The following PIH1D2 variants were observed in gnomAD, a reference collection of about 807,000 sequenced individuals.
The protein encoded by PIH1D2 is PIH1 domain containing 2.
Under a neutral mutation model 31.2 loss-of-function variants are expected in PIH1D2, and 25 were observed. The ratio of observed to expected loss-of-function variants is 0.80; its 90% CI spans 0.58 to 1.12. PIH1D2 has a LOEUF of 1.12. Among genes scored for constraint, PIH1D2 ranks in the 50% most tolerant of loss-of-function variants. The probability of loss-of-function intolerance (pLI) is 0.00; values close to 1 mark genes in which losing one functional copy is unlikely to be tolerated. For missense variants in PIH1D2, 310 were observed against 356.6 expected, an observed-to-expected ratio of 0.87 and a Z score of 1.05; for synonymous variants, 116 against 119.9, an observed-to-expected ratio of 0.97 and a Z score of 0.21.
rs1566657162 is a variant in PIH1D2 at position 112,071,155 on chromosome 11, G to A, written c.430C>T (p.Leu144Phe). 1 of 1,613,874 alleles carries A rather than the reference G, an allele frequency of 6.2e-7. No individual in the cohort carries two copies. The highest frequency in any genetic ancestry group is 8.5e-7 in the Non-Finnish European group (1 of 1,179,912). ...TTGGTAATATGGTAAGAGTGTGAGA[G>A]GGTGAACTGGAATTTCTCCTCAATG... ...KCIEEKFQFT[L>F]SHSYHITKFR... The change falls in exon 4 of 6, where the codon CTC becomes TTC. Residue 144 changes from leucine to phenylalanine, a missense_variant. Transcript: ENST00000280350.
At position 112,068,998 on chromosome 11, in the gene PIH1D2, G is replaced by GTT. The variant is rs1250203455; in HGVS notation, c.814-995_814-994dup. On this transcript the variant is annotated intron_variant, in intron 5 of 5. Coordinates refer to ENST00000280350, the MANE Select transcript of PIH1D2 (RefSeq NM_138789.4). ...ATTTTTTTTGTTTTTTTTTTTTTTTGTTTTTTTTTTTTTGAGGGGAGACAG... is the reference window on the plus strand; with the variant it reads ...ATTTTTTTTGTTTTTTTTTTTTTTTGTTTTTTTTTTTTTTTGAGGGGAGACAG... 9.3e-3 allele frequency among the ~76,000 whole-genome samples: 738 copies of GTT among 79,178 alleles called. 3 individuals are homozygous for GTT. The highest frequency in any genetic ancestry group is 0.063 in the Middle Eastern group (9 of 142). 51.9% of individuals were successfully genotyped at this position (79,178 alleles called of 152,430 possible).
the PIH1D2 span, among the ~76,000 whole-genome samples, chr11:112,054,491 A>G: frequency 6.6e-6 from 1 of 152,162 alleles, no homozygotes; most frequent in African/African-American, 2.4e-5. Context: ...GCTTTAGGGA[A>G]GGCTAGTTTT....
chr11:112,069,519 T>A (rs1365832077), intron 5 of PIH1D2, among the ~76,000 whole-genome samples: 1 of 152,018 alleles, frequency 6.6e-6, no homozygotes, highest in Non-Finnish European at 1.5e-5. Flanking sequence ...CAAGATTCCA[T>A]GAGCAGGAAC....
At chr11:112,058,966 T>C (rs1363633060), downstream of PIH1D2, among the ~76,000 whole-genome samples, 1 of 151,914 alleles carries the variant, frequency 6.6e-6, no homozygotes, top group African/African-American at 2.4e-5. Flanking sequence ...GTTAAAAAGG[T>C]ATTCTGAGAT....
chr11:112,064,082 AG>A, downstream of PIH1D2: 1 of 1,139,970 alleles, frequency 8.8e-7, no homozygotes, highest in Non-Finnish European at 1.2e-6. Context: ...TTCAGTAATT[AG>A]TAATTTTAGG....
the PIH1D2 span, among the ~76,000 whole-genome samples, chr11:112,056,865 T>G: frequency 6.6e-6 from 1 of 152,230 alleles, no homozygotes; most frequent in East Asian, 1.9e-4. Flanking sequence ...GTGAGAACCA[T>G]CTACTTGTGA....
At chr11:112,063,532 A>C (rs1353730479), downstream of PIH1D2, 7 of 152,606 alleles carry the variant, frequency 4.6e-5, no homozygotes, top group African/African-American at 1.7e-4. Context: ...TACATTGGTA[A>C]ACATTTTGGA....
At chr11:112,073,285 T>G in intron 1 of PIH1D2, 80 bp from the exon 2 acceptor site, 1 of 1,017,328 alleles carries the variant, frequency 9.8e-7, no homozygotes, top group South Asian at 1.9e-5. Context: ...GTGGAATGGG[T>G]CAGGAATTGT....
chr11:112,059,626 C>T (rs1414804494), downstream of PIH1D2, among the ~76,000 whole-genome samples: 1 of 152,168 alleles, frequency 6.6e-6, no homozygotes. Flanking sequence ...CTACTGACTT[C>T]AAGTGATCCG....
At chr11:112,070,154 A>C in intron 5 of PIH1D2, 1 of 574,930 alleles carries the variant, frequency 1.7e-6, no homozygotes, top group East Asian at 2.8e-5. Context: ...CTGATGTAGA[A>C]CTGGCCTTGT....
chr11:112,066,969 G>A (rs1023120776), downstream of PIH1D2, among the ~76,000 whole-genome samples: 1 of 151,880 alleles, frequency 6.6e-6, no homozygotes, highest in African/African-American at 2.4e-5. Flanking sequence ...AGGATGAGAC[G>A]GGAGGATCGC....
At chr11:112,059,864 A>T, downstream of PIH1D2, 1 of 1,509,672 alleles carries the variant, frequency 6.6e-7, no homozygotes, top group Non-Finnish European at 8.9e-7. Flanking sequence ...GGCTCTTAAT[A>T]AACAGTTTTT....
chr11:112,061,168 A>T, downstream of PIH1D2: 4 of 1,613,922 alleles, frequency 2.5e-6, no homozygotes, highest in Non-Finnish European at 3.4e-6. Flanking sequence ...GCAGATAATG[A>T]AAAAGGGTAA....
At chr11:112,061,243 C>T (rs1231188396), downstream of PIH1D2, 3 of 1,573,898 alleles carry the variant, frequency 1.9e-6, no homozygotes, top group African/African-American at 1.4e-5. Context: ...CCTGTGGTAT[C>T]CTCAGGGGAT....
chr11:112,072,962 C>A, intron 2 of PIH1D2, 36 bp downstream of exon 2: 1 of 1,539,428 alleles, frequency 6.5e-7, no homozygotes. Flanking sequence ...TCATTTCATT[C>A]AAGACCTCCC....
chr11:112,070,304 A>C, intron 5 of PIH1D2, 132 bp downstream of exon 5: 1 of 1,071,148 alleles, frequency 9.3e-7, no homozygotes, highest in Non-Finnish European at 1.3e-6. Flanking sequence ...CTCAGAAGGG[A>C]ATTGCTCCTT....
rs1555184044 is a variant in PIH1D2, at chr11:112,067,924, C to T, written c.895G>A (p.Ala299Thr). 2 of 1,610,236 alleles carry T rather than the reference C, an allele frequency of 1.2e-6. No individual in the cohort carries two copies. Among genetic ancestry groups the T allele is most frequent in the Non-Finnish European group, 1.7e-6 (2 of 1,177,372 alleles). Residue 299 changes from alanine to threonine, a missense_variant, in exon 6 of 6, where the codon GCA (alanine) becomes ACA (threonine). Ala to Thr is a moderately conservative substitution (Grantham distance 58). Transcript: ENST00000280350. ...GTGGATTTTTCTTTGATAAATTTTG[C>T]TGTGGTCATTTCAGTATCAATAAGT... Reference protein sequence around the residue: ...PKLIDTEMTTAKFIKEKSTLI... With the variant: ...PKLIDTEMTTTKFIKEKSTLI...
downstream of PIH1D2, chr11:112,062,567 C>T (rs782611166): frequency 1.2e-6 from 2 of 1,607,494 alleles, no homozygotes; most frequent in Non-Finnish European, 1.7e-6. Context: ...TCTCCCAGGT[C>T]ACACTGATTC....
intron 5 of PIH1D2, among the ~76,000 whole-genome samples, chr11:112,068,743 C>T (rs1865012657): frequency 6.6e-6 from 1 of 152,040 alleles, no homozygotes; most frequent in Non-Finnish European, 1.5e-5. Context: ...GAGATGGTGC[C>T]ACTGCACTCC....
Sources: allele counts gnomAD v4.1 joint callset (sites outside exome capture counted in the v4.1 genomes callset), GRCh38; gene constraint gnomAD v4.1.1; transcripts MANE v1.5; gene names NCBI Gene and HGNC (gene_info 2026-07-23, HGNC 2026-07-21).